TMCO4: variants seen among roughly 807,000 people sequenced by gnomAD.
The protein encoded by TMCO4 is transmembrane and coiled-coil domain-containing protein 4.
TMCO4 carries 58 observed loss-of-function variants against 64.7 expected under a neutral mutation model. That is an observed-to-expected ratio of 0.90 (90% CI 0.73 to 1.12). TMCO4 has a LOEUF of 1.12. Ranked by LOEUF, TMCO4 falls within the 50% of genes most tolerant of loss-of-function variation. The probability of loss-of-function intolerance (pLI) is 0.00; values close to 1 mark genes in which losing one functional copy is unlikely to be tolerated. For missense variants in TMCO4, 780 were observed against 825.9 expected (o/e 0.94, Z 0.68); for synonymous variants, 325 against 346.1 (o/e 0.94, Z 0.68).
chr1:19,783,610 A>G (rs1232806874), intron 3 of TMCO4, among the ~76,000 whole-genome samples: 1 of 152,234 alleles, frequency 6.6e-6, no homozygotes. Context: ...CTTAATTCTT[A>G]TAACTACCAT....
At chr1:19,747,083 C>G in intron 8 of TMCO4, 80 bp downstream of exon 8, 2 of 1,465,232 alleles carry the variant, frequency 1.4e-6, no homozygotes, top group South Asian at 1.1e-5. Context: ...CCCCTGCACT[C>G]TCCACTCTCA....
chr1:19,783,346 A>C (rs6669059), intron 3 of TMCO4, among the ~76,000 whole-genome samples: 17,550 of 152,272 alleles, frequency 0.12, 1,164 homozygotes, highest in Non-Finnish European at 0.15. Flanking sequence ...CTCTGTTTTA[A>C]ATATTCATCA....
intron 7 of TMCO4, chr1:19,750,313 C>G (rs534179860): frequency 2.0e-5 from 3 of 152,166 alleles, no homozygotes; most frequent in Non-Finnish European, 4.4e-5. Context: ...TGCAACTAGA[C>G]AAGCGATGTG....
At chr1:19,741,373 C>G (rs183907597) in intron 10 of TMCO4, among the ~76,000 whole-genome samples, 3 of 152,318 alleles carry the variant, frequency 2.0e-5, no homozygotes, top group Non-Finnish European at 4.4e-5. Context: ...TACAATGGGA[C>G]AAGCAGCACA....
intron 13 of TMCO4, among the ~76,000 whole-genome samples, chr1:19,725,201 C>G (rs546148033): frequency 1.3e-5 from 2 of 152,316 alleles, no homozygotes; most frequent in South Asian, 4.1e-4. Flanking sequence ...GAAGCAGGTC[C>G]TGCAGCCTCT....
intron 10 of TMCO4, among the ~76,000 whole-genome samples, chr1:19,742,137 G>C (rs925104020): frequency 6.6e-6 from 1 of 152,080 alleles, no homozygotes; most frequent in Admixed American, 6.5e-5. Flanking sequence ...ACTACCACTT[G>C]CCCTTGAGAT....
chr1:19,697,067 C>A (rs984050850), intron 14 of TMCO4, among the ~76,000 whole-genome samples: 1 of 152,170 alleles, frequency 6.6e-6, no homozygotes, highest in African/African-American at 2.4e-5. Context: ...TGAGGGGGGA[C>A]ATGTATACAC....
At chr1:19,770,639 T>C in intron 5 of TMCO4, 70 bp from the exon 6 acceptor site, 2 of 1,507,172 alleles carry the variant, frequency 1.3e-6, no homozygotes, top group South Asian at 1.2e-5. Flanking sequence ...TTGACAAATA[T>C]TGACTCCTAC....
chr1:19,790,153 C>T (rs2043958488), intron 2 of TMCO4, among the ~76,000 whole-genome samples: 1 of 151,312 alleles, frequency 6.6e-6, no homozygotes, highest in Admixed American at 6.6e-5. Flanking sequence ...CCCTTCTTTA[C>T]ACCGTATACA....
intron 6 of TMCO4, among the ~76,000 whole-genome samples, chr1:19,768,204 A>G (rs1281326253): frequency 6.6e-6 from 1 of 152,206 alleles, no homozygotes; most frequent in African/African-American, 2.4e-5. Context: ...GACGAGATGA[A>G]ATGCCAGCAC....
chr1:19,711,520 G>A (rs1260236649), intron 13 of TMCO4, among the ~76,000 whole-genome samples: 2 of 152,060 alleles, frequency 1.3e-5, no homozygotes, highest in South Asian at 2.1e-4. Context: ...ACAGGGTCTC[G>A]CTCTGTCACC....
intron 3 of TMCO4, among the ~76,000 whole-genome samples, chr1:19,785,466 C>T (rs188084775): frequency 2.0e-5 from 3 of 152,284 alleles, no homozygotes; most frequent in Admixed American, 6.5e-5. Flanking sequence ...GCTTTCTGGA[C>T]AGGACCTGGA....
chr1:19,736,777 G>A (rs912788607), intron 13 of TMCO4, among the ~76,000 whole-genome samples: 6 of 152,228 alleles, frequency 3.9e-5, no homozygotes, highest in African/African-American at 9.6e-5. Context: ...GTGGTTGAAT[G>A]GTGAACCCCC....
intron 6 of TMCO4, among the ~76,000 whole-genome samples, chr1:19,764,108 T>C (rs55750064): frequency 0.12 from 17,832 of 152,212 alleles, 1,145 homozygotes; most frequent in Non-Finnish European, 0.13. Flanking sequence ...AGCAGCTCCT[T>C]TGGTTCCTGC....
Position 19,780,746 on chromosome 1 carries a change from T to C in TMCO4, c.13A>G (p.Asn5Asp), listed in dbSNP as rs1195491563. 6.3e-7 allele frequency: 1 copy of C among 1,585,710 alleles called. No homozygotes were observed. The highest frequency in any genetic ancestry group is 8.5e-7 in the Non-Finnish European group (1 of 1,171,478). ...TGAGGCAGCCTCTGGCATGGCCTGT[T>C]CCACATGGCCATTCCCAGCGCTGCA... MAMW[N>D]RPCQRLPQQP... The change falls in exon 4 of 16, where the codon AAC (asparagine) becomes GAC (aspartate). Residue 5 changes from asparagine to aspartate, a missense_variant. By Grantham distance (23) the Asn-to-Asp change is conservative (BLOSUM62 1). Coordinates refer to ENST00000294543, the MANE Select transcript of TMCO4 (RefSeq NM_181719.7).
intron 14 of TMCO4, among the ~76,000 whole-genome samples, chr1:19,695,673 C>T (rs2095231492): frequency 1.3e-5 from 2 of 152,162 alleles, no homozygotes. Context: ...GTCTGGGACA[C>T]AGGGCATGGT....
At position 19,740,845 on chromosome 1, in the gene TMCO4, AG is replaced by A; in HGVS notation, c.973del (p.Leu325TrpfsTer17). 1 of 1,614,174 alleles carries A rather than the reference AG, an allele frequency of 6.2e-7. No homozygotes were observed. The highest frequency in any genetic ancestry group is 8.5e-7 in the Non-Finnish European group (1 of 1,180,008). On this transcript the variant is annotated frameshift_variant, in exon 11 of 16. Transcript: ENST00000294543. LOFTEE classifies it high-confidence loss of function. ...GGCGAGACCACTGAGGATGGTCTCC[AG>A]GGCATTGCCGAGCTCCATCAGGTAC... ...AKYLMELGNA[L>X]ETILSGLANM...
chr1:19,754,061 C>T (rs2042139054), intron 7 of TMCO4, among the ~76,000 whole-genome samples: 1 of 152,150 alleles, frequency 6.6e-6, no homozygotes, highest in African/African-American at 2.4e-5. Context: ...ACTATTATCC[C>T]CATTTTACAG....
At chr1:19,739,570 T>C (rs1299958244) in intron 12 of TMCO4, among the ~76,000 whole-genome samples, 1 of 152,214 alleles carries the variant, frequency 6.6e-6, no homozygotes, top group African/African-American at 2.4e-5. Context: ...CCCAGACTTG[T>C]TCCTACCTGC....
Sources: gnomAD v4.1 joint callset for allele counts (sites outside exome capture counted in the v4.1 genomes callset) on GRCh38, gnomAD v4.1.1 for gene constraint, MANE v1.5 for transcripts, NCBI Gene and HGNC (gene_info 2026-07-23, HGNC 2026-07-21) for gene names.